AGER: variants seen among roughly 807,000 people sequenced by gnomAD.
AGER encodes the protein advanced glycation end product-specific receptor.
In AGER, 46 loss-of-function variants were observed where a neutral mutation model predicts 48.8. The observed-to-expected ratio is 0.94, with a 90% CI of 0.74 to 1.20. AGER has a LOEUF of 1.20. Among genes scored for constraint, AGER ranks in the 50% most tolerant of loss-of-function variants. The pLI is 0.00. For missense variants in AGER, 489 were observed against 515.0 expected (o/e 0.95, Z 0.49); for synonymous variants, 170 against 199.9 (o/e 0.85, Z 1.26).
At position 32,182,811 on chromosome 6, in the gene AGER, G is replaced by T. The variant is rs1227549739; in HGVS notation, c.691+30C>A. 2 of 1,612,626 alleles carry T rather than the reference G, an allele frequency of 1.2e-6. No individual in the cohort carries two copies. Among genetic ancestry groups the T allele is most frequent in the Non-Finnish European group, 1.7e-6 (2 of 1,179,962 alleles). On this transcript the variant is annotated intron_variant, in intron 6 of 10. Coordinates refer to ENST00000375076, the MANE Select transcript of AGER (RefSeq NM_001136.5). The surrounding 1 kb of genome is among the most constrained non-coding windows in gnomAD (Gnocchi z 5.1). ...TCAGACTTCCAGAACGTGCTCACGT[G>T]AGCTTGGGGCCCTCCCCACCTATGC...
rs1392301279 is a variant in AGER at position 32,182,349 on chromosome 6, G to A, written c.862C>T (p.Leu288Phe). The stretch of plus-strand genomic sequence containing the variant: ...TGGTCCTGAGGCCCTATCTCAGGGA[G>A]GATCAGCACAGGGCTGGGGGGAAGG... ...LPLPPSPVLI[L>F]PEIGPQDQGT... The change falls in exon 8 of 11, where the codon CTC (leucine) becomes TTC (phenylalanine). Residue 288 changes from leucine (L) to phenylalanine (F), a missense_variant. Coordinates refer to ENST00000375076, the MANE Select transcript of AGER (RefSeq NM_001136.5). This position sits in a 1 kb window ranked among gnomAD's most constrained non-coding sequence, Gnocchi z 5.1. 1.2e-6 allele frequency: 2 copies of A among 1,612,736 alleles called. No individual in the cohort carries two copies. Among genetic ancestry groups the A allele is most frequent in the East Asian group, 4.5e-5 (2 of 44,884 alleles).
chr6:32,181,757 G>C lies in AGER; in HGVS notation c.965-125C>G, dbSNP rs183554593. The C allele has an allele frequency of 5.5e-5, 57 of 1,045,676 alleles. 1 individual carries two copies. In the African/African-American group the frequency reaches 6.6e-4, roughly 12 times the overall value. 64.8% of individuals were successfully genotyped at this position (1,045,676 alleles called of 1,614,324 possible). ...TTTGAGATGGAGTTTCACTTTTGTT[G>C]CCCAGGCTGGCATGCAATGGTGCGA... On this transcript the variant is annotated intron_variant, in intron 8 of 10. Coordinates refer to ENST00000375076, the MANE Select transcript of AGER (RefSeq NM_001136.5). The surrounding 1 kb of genome is among the most constrained non-coding windows in gnomAD (Gnocchi z 4.1).
At position 32,182,846 on chromosome 6, in the gene AGER, ACACGGGGC is replaced by A. The variant is rs1786481933; in HGVS notation, c.678_685del (p.Gln226HisfsTer32). 1.2e-6 allele frequency: 2 copies of A among 1,612,150 alleles called. No homozygotes were observed. Among genetic ancestry groups the A allele is most frequent in the Non-Finnish European group, 1.7e-6 (2 of 1,179,710 alleles). On this transcript the variant is annotated frameshift_variant, in exon 6 of 11. Coordinates refer to ENST00000375076, the MANE Select transcript of AGER (RefSeq NM_001136.5). LOFTEE classifies it high-confidence loss of function. The surrounding 1 kb of genome is among the most constrained non-coding windows in gnomAD (Gnocchi z 5.1). The stretch of plus-strand genomic sequence containing the variant: ...CCCTCCCCACCTATGCTCACCCCAG[ACACGGGGC>A]TGGATGGGGGCTGTGCGCAAGGCCC...
In AGER at chr6:32,182,456, C is replaced by A; in HGVS notation, c.823-68G>T. ...CTTTTTGTCTCCATATCTTCAGATA[C>A]CCTCTCTTCCTCCTCAGCTCCTAGC... On this transcript the variant is annotated intron_variant, in intron 7 of 10. Coordinates refer to ENST00000375076, the MANE Select transcript of AGER (RefSeq NM_001136.5). This position sits in a 1 kb window ranked among gnomAD's most constrained non-coding sequence, Gnocchi z 5.1. The A allele has an allele frequency of 6.3e-7, 1 of 1,586,542 alleles. No homozygotes were observed. The highest frequency in any genetic ancestry group is 8.6e-7 in the Non-Finnish European group (1 of 1,165,190).
chr6:32,184,115 G>C, intron 1 of AGER, 56 bp downstream of exon 1: 8 of 1,604,686 alleles, frequency 5.0e-6, no homozygotes, highest in Non-Finnish European at 6.8e-6. Flanking sequence ...CGACTGGGGT[G>C]TGGGGTTAAA....
Position 32,182,707 on chromosome 6 carries a change from T to C in AGER, c.692-9A>G. On this transcript the variant is annotated splice_polypyrimidine_tract_variant and intron_variant, in intron 6 of 10. Transcript: ENST00000375076. The surrounding 1 kb of genome is among the most constrained non-coding windows in gnomAD (Gnocchi z 5.1). ...CTCCAGAGGCACAGGCTCTGGGAGT[T>C]GGAAGGGTTTTGAGGTGGAGAGTTA... is the stretch of plus-strand genomic sequence containing the variant. The C allele has an allele frequency of 1.2e-6, 2 of 1,608,130 alleles. No homozygotes were observed. Among genetic ancestry groups the C allele is most frequent in the Non-Finnish European group, 1.7e-6 (2 of 1,175,546 alleles).
At position 32,182,364 on chromosome 6, in the gene AGER, TG is replaced by T; in HGVS notation, c.846del (p.Ser283AlafsTer4). ...MKDGVPLPLP[P>X]SPVLILPEIG... is the part of the protein sequence containing the mutation. ...ATCTCAGGGAGGATCAGCACAGGGC[TG>T]GGGGGAAGGGGCAAGGGCACACCCT... On this transcript the variant is annotated frameshift_variant, in exon 8 of 11. Coordinates refer to ENST00000375076, the MANE Select transcript of AGER (RefSeq NM_001136.5). LOFTEE classifies it high-confidence loss of function. This position sits in a 1 kb window ranked among gnomAD's most constrained non-coding sequence, Gnocchi z 5.1. 1 of 1,611,130 alleles carries T rather than the reference TG, an allele frequency of 6.2e-7. No individual in the cohort carries two copies. Among genetic ancestry groups the T allele is most frequent in the South Asian group, 1.1e-5 (1 of 91,012 alleles).
rs1052682431 is a variant in AGER, at chr6:32,182,468, C to T, written c.823-80G>A. 6.3e-7 allele frequency: 1 copy of T among 1,588,046 alleles called. No individual in the cohort carries two copies. Among genetic ancestry groups the T allele is most frequent in the African/African-American group, 1.3e-5 (1 of 74,190 alleles). On this transcript the variant is annotated intron_variant, in intron 7 of 10. Transcript: ENST00000375076. The surrounding 1 kb of genome is among the most constrained non-coding windows in gnomAD (Gnocchi z 5.1). ...ATATCTTCAGATACCCTCTCTTCCT[C>T]CTCAGCTCCTAGCCTGCCTTTCCCT...
chr6:32,182,628 G>T lies in AGER; in HGVS notation c.762C>A (p.Thr254=), dbSNP rs773473498. The T allele has an allele frequency of 9.9e-6, 16 of 1,613,038 alleles. No individual in the cohort carries two copies. The East Asian group carries it at 2.7e-4, about 27-fold the overall frequency. Residue 254 remains threonine, a synonymous_variant, in exon 7 of 11, where the codon ACC becomes ACA. Coordinates refer to ENST00000375076, the MANE Select transcript of AGER (RefSeq NM_001136.5). This position sits in a 1 kb window ranked among gnomAD's most constrained non-coding sequence, Gnocchi z 5.1. ...PEGGAVAPGG[T]VTLTCEVPAQ... ...CAGGGACTTCACAGGTCAGGGTTACGGTTCCACCAGGAGCTACTGCTCCAC... is the reference window on the plus strand; with the variant it reads ...CAGGGACTTCACAGGTCAGGGTTACTGTTCCACCAGGAGCTACTGCTCCAC...
Position 32,181,221 on chromosome 6 carries a change from C to T in AGER, c.1137G>A (p.Gln379=). Residue 379 remains glutamine (Q), a synonymous_variant, in exon 11 of 11, where the codon CAG becomes CAA. Coordinates refer to ENST00000375076, the MANE Select transcript of AGER (RefSeq NM_001136.5). The surrounding 1 kb of genome is among the most constrained non-coding windows in gnomAD (Gnocchi z 4.1). Reference sequence around the variant, plus strand: ...GTTCTGCACGCTCCTCCTCTTCCTCCTGGTTTTCTGGGGCCTTCCTGAGGA... The same window carrying T: ...GTTCTGCACGCTCCTCCTCTTCCTCTTGGTTTTCTGGGGCCTTCCTGAGGA... ...RGEERKAPEN[Q]EEEEERAELN... 6.2e-7 allele frequency: 1 copy of T among 1,614,214 alleles called. No individual in the cohort carries two copies. The highest frequency in any genetic ancestry group is 8.5e-7 in the Non-Finnish European group (1 of 1,180,030).
In AGER at chr6:32,181,364, G is replaced by C. The variant is rs149968577; in HGVS notation, c.1105C>G (p.Arg369Gly). ...GVILWQRRQR[R>G]GEERKAPENQ... Reference sequence around the variant, plus strand: ...TTCTCCACTCACCTCTCCTCTCCTCGGCGTTGCCGCCTTTGCCACAAGATG... The same window carrying C: ...TTCTCCACTCACCTCTCCTCTCCTCCGCGTTGCCGCCTTTGCCACAAGATG... The change falls in exon 10 of 11, where the codon CGA (arginine) becomes GGA (glycine). Residue 369 changes from arginine (R) to glycine (G), a missense_variant. Coordinates refer to ENST00000375076, the MANE Select transcript of AGER (RefSeq NM_001136.5). This position sits in a 1 kb window ranked among gnomAD's most constrained non-coding sequence, Gnocchi z 4.1. 1.9e-4 allele frequency: 311 copies of C among 1,612,576 alleles called. No individual in the cohort carries two copies. Among genetic ancestry groups the C allele is most frequent in the Non-Finnish European group, 2.5e-4 (292 of 1,179,104 alleles).
rs772567340 is a variant in AGER at position 32,182,908 on chromosome 6, A to ACAG, written c.621_623dup (p.Cys208dup). On this transcript the variant is annotated inframe_insertion, in exon 6 of 11. Transcript: ENST00000375076. This position sits in a 1 kb window ranked among gnomAD's most constrained non-coding sequence, Gnocchi z 5.1. ...GTCGGGGAAGGCCTGGGCTGAAGCT[A>ACAG]CAGGAGAAGGTGGGACGGGGATCTC... The ACAG allele has an allele frequency of 6.2e-7, 1 of 1,611,956 alleles. No homozygotes were observed. The highest frequency in any genetic ancestry group is 8.5e-7 in the Non-Finnish European group (1 of 1,179,498).
Position 32,183,978 on chromosome 6 carries a change from A to C in AGER, c.62T>G (p.Val21Gly). 6.2e-7 allele frequency: 1 copy of C among 1,612,998 alleles called. No individual in the cohort carries two copies. The highest frequency in any genetic ancestry group is 8.5e-7 in the Non-Finnish European group (1 of 1,180,012). Residue 21 changes from valine (V) to glycine (G), a missense_variant, in exon 2 of 11, where the codon GTA becomes GGA. Transcript: ENST00000375076. ...VLVLSLWGAV[V>G]GAQNITARIG... ...CCGGGCTGTGATGTTTTGAGCACCT[A>C]CTACTGCCCCTGGGAGATAGCACCA...
chr6:32,181,330 G>A lies in AGER; in HGVS notation c.1118+21C>T, dbSNP rs768578267. On this transcript the variant is annotated intron_variant, in intron 10 of 10. Transcript: ENST00000375076. This position sits in a 1 kb window ranked among gnomAD's most constrained non-coding sequence, Gnocchi z 4.1. ...CTGCCTGGAAGCCCTAGGTCTGAGG[G>A]GTCTGGCTTTCTCCACTCACCTCTC... 6.2e-7 allele frequency: 1 copy of A among 1,613,370 alleles called. No homozygotes were observed. Among genetic ancestry groups the A allele is most frequent in the East Asian group, 2.2e-5 (1 of 44,876 alleles).
rs764867880 is a variant in AGER, at chr6:32,183,102, C to G, written c.508+12G>C. The G allele has an allele frequency of 2.5e-6, 4 of 1,613,056 alleles. No individual in the cohort carries two copies. The highest frequency in any genetic ancestry group is 1.7e-5 in the Admixed American group (1 of 60,028). ...AGGGAGAAGGCAGCTTGGGGGGCAC[C>G]TTAGGACTCACCCTTCTCATTAGGC... On this transcript the variant is annotated intron_variant, in intron 5 of 10. Coordinates refer to ENST00000375076, the MANE Select transcript of AGER (RefSeq NM_001136.5).
At position 32,183,002 on chromosome 6, in the gene AGER, G is replaced by T; in HGVS notation, c.530C>A (p.Thr177Asn). The T allele has an allele frequency of 1.9e-6, 3 of 1,613,066 alleles. No individual in the cohort carries two copies. Among genetic ancestry groups the T allele is most frequent in the Non-Finnish European group, 2.5e-6 (3 of 1,180,032 alleles). The change falls in exon 6 of 11, where the codon ACC becomes AAC. Residue 177 changes from threonine to asparagine, a missense_variant. Thr to Asn is a moderately conservative substitution (Grantham distance 65). Coordinates refer to ENST00000375076, the MANE Select transcript of AGER (RefSeq NM_001136.5). ...GAGCCCTGTCTCAGGGTGTCTCCTG[G>T]TCTGTTCCTTCACAGATACTCCTAT... ...NEKGVSVKEQ[T>N]RRHPETGLFT...
chr6:32,182,909 CAGG>C lies in AGER; in HGVS notation c.620_622del (p.Ser207del), dbSNP rs1786509885. ...TCGGGGAAGGCCTGGGCTGAAGCTA[CAGG>C]AGAAGGTGGGACGGGGATCTCCTCC... On this transcript the variant is annotated inframe_deletion, in exon 6 of 11. Transcript: ENST00000375076. The surrounding 1 kb of genome is among the most constrained non-coding windows in gnomAD (Gnocchi z 5.1). The C allele has an allele frequency of 3.1e-6, 5 of 1,611,918 alleles. No individual in the cohort carries two copies. Among genetic ancestry groups the C allele is most frequent in the Non-Finnish European group, 3.4e-6 (4 of 1,179,500 alleles).
Position 32,183,258 on chromosome 6 carries a change from ACACC to A in AGER, c.421-61_421-58del, listed in dbSNP as rs1786588746. On this transcript the variant is annotated intron_variant, in intron 4 of 10. Transcript: ENST00000375076. ...TGAAAATGAGAGATGCCACACACCC[ACACC>A]CACACACACTCGCCTCCTGTTCACA... 8 of 1,612,634 alleles carry A rather than the reference ACACC, an allele frequency of 5.0e-6. No homozygotes were observed. The East Asian group carries it at 1.8e-4, about 36-fold the overall frequency.
Position 32,181,505 on chromosome 6 carries a change from C to T in AGER, c.992-28G>A. ...GTACGGAGACAGGGAAAATTGAGAG[C>T]ACAGCCACCACCACTCACCATTCCT... is the stretch of plus-strand genomic sequence containing the variant. On this transcript the variant is annotated intron_variant, in intron 9 of 10. Transcript: ENST00000375076. This position sits in a 1 kb window ranked among gnomAD's most constrained non-coding sequence, Gnocchi z 4.1. 4.3e-6 allele frequency: 7 copies of T among 1,613,150 alleles called. No homozygotes were observed. Among genetic ancestry groups the T allele is most frequent in the Non-Finnish European group, 5.9e-6 (7 of 1,180,030 alleles).
Sources: gnomAD v4.1 joint callset for allele counts on GRCh38, gnomAD v4.1.1 for gene constraint, Gnocchi (gnomAD v3.1) non-coding constraint, MANE v1.5 for transcripts, NCBI Gene and HGNC (gene_info 2026-07-23, HGNC 2026-07-21) for gene names.